The following ORC4 variants were observed in gnomAD, a reference collection of about 807,000 sequenced individuals.
The protein encoded by ORC4 is origin recognition complex, subunit 4 homolog.
A neutral mutation model predicts 63.9 loss-of-function variants in ORC4; 55 were observed. That is an observed-to-expected ratio of 0.86 (90% CI 0.69 to 1.08). ORC4 has a LOEUF of 1.08. Among genes scored for constraint, ORC4 ranks in the 50% least tolerant of loss-of-function variants. ORC4 has a pLI of 0.00. For missense variants in ORC4, 511 were observed against 504.4 expected, an observed-to-expected ratio of 1.01 and a Z score of -0.13; for synonymous variants, 150 against 168.5, an observed-to-expected ratio of 0.89 and a Z score of 0.85.
chr2:147,936,333 T>C (rs1361045271), intron 13 of ORC4: 1 of 152,786 alleles, frequency 6.5e-6, no homozygotes, highest in Non-Finnish European at 1.5e-5. Flanking sequence ...ATAGGGCTCT[T>C]TCTTGTCTAC....
chr2:147,956,987 G>A (rs1689284945), intron 6 of ORC4, among the ~76,000 whole-genome samples: 2 of 151,328 alleles, frequency 1.3e-5, no homozygotes, highest in South Asian at 4.1e-4. Context: ...TAGAATATTA[G>A]ATTTATAGAT....
intron 1 of ORC4, among the ~76,000 whole-genome samples, chr2:147,996,043 G>A (rs1263624338): frequency 1.3e-5 from 2 of 151,274 alleles, no homozygotes; most frequent in Admixed American, 6.6e-5. Flanking sequence ...GGTGGCTTAC[G>A]CCTGTAATCC....
chr2:147,972,256 G>A (rs752301330), intron 4 of ORC4, among the ~76,000 whole-genome samples: 11 of 152,044 alleles, frequency 7.2e-5, no homozygotes, highest in Non-Finnish European at 1.0e-4. Context: ...GTGTAAGTTA[G>A]GGTTAAACAA....
At position 147,933,322 on chromosome 2, in the gene ORC4, A is replaced by T. The variant is rs1687869781; in HGVS notation, c.*2188T>A. 1 of 152,234 alleles carries T rather than the reference A, an allele frequency of 6.6e-6. No homozygotes were observed. The highest frequency in any genetic ancestry group is 2.1e-4 in the South Asian group (1 of 4,830). The allele number at this position is 152,234 out of a possible 1,614,324, so 9.4% of individuals were successfully genotyped here. A position where few individuals can be genotyped will look rare whatever the true frequency, so the allele number is the denominator to read the frequency against. ...AATTTAAGAGACGAAGTTAGCTCAAAACTCTTGCGAATAGATTTTAGCATT... is the reference window on the plus strand; with the variant it reads ...AATTTAAGAGACGAAGTTAGCTCAATACTCTTGCGAATAGATTTTAGCATT... On this transcript the variant is annotated 3_prime_UTR_variant, in exon 14 of 14. Transcript: ENST00000392857.
chr2:148,017,411 T>C (rs1249416348), intron 1 of ORC4, among the ~76,000 whole-genome samples: 1 of 152,226 alleles, frequency 6.6e-6, no homozygotes, highest in Non-Finnish European at 1.5e-5. Context: ...GTGGCTCACG[T>C]CTGTGATCCC....
chr2:147,995,380 G>T (rs1691899584), intron 1 of ORC4, among the ~76,000 whole-genome samples: 1 of 152,074 alleles, frequency 6.6e-6, no homozygotes, highest in Non-Finnish European at 1.5e-5. Context: ...CCAAATAAGG[G>T]AATAAAAGTT....
chr2:147,947,146 T>C (rs530507155), intron 9 of ORC4, among the ~76,000 whole-genome samples: 1 of 152,114 alleles, frequency 6.6e-6, no homozygotes, highest in African/African-American at 2.4e-5. Flanking sequence ...ATGATCCTTT[T>C]TATAGAGTCA....
At chr2:147,998,400 T>C (rs927387847) in intron 1 of ORC4, among the ~76,000 whole-genome samples, 15 of 152,220 alleles carry the variant, frequency 9.9e-5, no homozygotes, top group Admixed American at 9.2e-4. Context: ...GCCTCATAAA[T>C]GGCTCAGTGC....
In ORC4 at chr2:147,932,180, A is replaced by AATCATG. The variant is rs1439896593; in HGVS notation, c.*3324_*3329dup. 1 of 149,706 alleles carries AATCATG rather than the reference A, an allele frequency of 6.7e-6. No homozygotes were observed. Among genetic ancestry groups the AATCATG allele is most frequent in the African/African-American group, 2.4e-5 (1 of 40,894 alleles). The allele number at this position is 149,706 out of a possible 1,614,324, so 9.3% of individuals were successfully genotyped here. On this transcript the variant is annotated 3_prime_UTR_variant, in exon 14 of 14. Coordinates refer to ENST00000392857, the MANE Select transcript of ORC4 (RefSeq NM_181741.4). Reference sequence around the variant, plus strand: ...CCAACAACAGACAAACAGAGAGCCAAATCATGAGTGAACTCCCATTCACAA... The same window carrying AATCATG: ...CCAACAACAGACAAACAGAGAGCCAAATCATGATCATGAGTGAACTCCCATTCACAA...
intron 7 of ORC4, among the ~76,000 whole-genome samples, chr2:147,954,380 C>T (rs1470172808): frequency 6.6e-6 from 1 of 152,156 alleles, no homozygotes; most frequent in Non-Finnish European, 1.5e-5. Flanking sequence ...CTTACCCAAG[C>T]CTAGATGGTA....
chr2:147,945,335 A>T (rs1340479475), intron 9 of ORC4, among the ~76,000 whole-genome samples: 1 of 152,046 alleles, frequency 6.6e-6, no homozygotes, highest in Non-Finnish European at 1.5e-5. Flanking sequence ...CCTCTTTCTA[A>T]AAGCTATCGC....
rs1252946350 is a variant in ORC4, at chr2:147,975,894, A to C, written c.57+8T>G. The stretch of plus-strand genomic sequence containing the variant: ...AATATCTTGAGATTAATGAAAATAC[A>C]TACTAACCTGTGAAAGGCACTCTGT... On this transcript the variant is annotated splice_region_variant and intron_variant, in intron 2 of 13. Transcript: ENST00000392857. The C allele has an allele frequency of 1.3e-6, 2 of 1,484,928 alleles. No individual in the cohort carries two copies. Among genetic ancestry groups the C allele is most frequent in the Non-Finnish European group, 1.9e-6 (2 of 1,062,288 alleles). The allele number at this position is 1,484,928 out of a possible 1,614,324, so 92.0% of individuals were successfully genotyped here.
rs561471359 is a variant in ORC4, at chr2:147,933,221, A to G, written c.*2289T>C. ...TAAATGAAGAAAATAAGCTATATGT[A>G]TAAGTTTACATTATTCTTGAACCGC... On this transcript the variant is annotated 3_prime_UTR_variant, in exon 14 of 14. Transcript: ENST00000392857. 4 of 152,250 alleles carry G rather than the reference A, an allele frequency of 2.6e-5. No homozygotes were observed. Among genetic ancestry groups the G allele is most frequent in the South Asian group, 2.1e-4 (1 of 4,826 alleles). The allele number at this position is 152,250 out of a possible 1,614,324, so 9.4% of individuals were successfully genotyped here.
At chr2:147,987,387 TATATACAC>T (rs1353335338) in intron 1 of ORC4, among the ~76,000 whole-genome samples, 2 of 139,970 alleles carry the variant, frequency 1.4e-5, no homozygotes, top group African/African-American at 5.1e-5. Flanking sequence ...TGTGTGTATA[TATATACAC>T]ACACACACAC....
intron 1 of ORC4, among the ~76,000 whole-genome samples, chr2:147,998,668 T>C (rs766662499): frequency 3.9e-5 from 6 of 152,190 alleles, no homozygotes; most frequent in Non-Finnish European, 8.8e-5. Context: ...CATATCTTTA[T>C]AAATTACCCA....
At chr2:147,980,375 C>T (rs1040251690) in intron 1 of ORC4, among the ~76,000 whole-genome samples, 5 of 151,678 alleles carry the variant, frequency 3.3e-5, no homozygotes, top group African/African-American at 1.2e-4. Context: ...ACGCTAATAC[C>T]ATGCCAATTT....
At chr2:147,981,836 A>G (rs1349912779) in intron 1 of ORC4, 1 of 152,246 alleles carries the variant, frequency 6.6e-6, no homozygotes, top group African/African-American at 2.4e-5. Context: ...AAAAAGAAGT[A>G]CAAACACATT....
At chr2:147,975,764 G>C (rs1291542527) in intron 2 of ORC4, 138 bp downstream of exon 2, 11 of 686,624 alleles carry the variant, frequency 1.6e-5, no homozygotes, top group Non-Finnish European at 2.1e-5. Flanking sequence ...TTAAGGTCTC[G>C]TACTGATATC....
chr2:147,984,189 C>G (rs574928911), intron 1 of ORC4, among the ~76,000 whole-genome samples: 1 of 152,078 alleles, frequency 6.6e-6, no homozygotes. Context: ...TGTCTTGTCT[C>G]CCCTTCTACC....
Sources: allele counts gnomAD v4.1 joint callset (sites outside exome capture counted in the v4.1 genomes callset), GRCh38; gene constraint gnomAD v4.1.1; transcripts MANE v1.5; gene names NCBI Gene and HGNC (gene_info 2026-07-23, HGNC 2026-07-21).